Variants in FAT3 observed in about 807,000 individuals in gnomAD.
FAT3 encodes protocadherin Fat 3.
Under a neutral mutation model 310.2 loss-of-function variants are expected in FAT3, and 95 were observed. That is an observed-to-expected ratio of 0.31 (90% CI 0.26 to 0.36). The LOEUF (loss-of-function observed/expected upper bound fraction) is 0.36, where lower values mean the gene tolerates loss of function less well. Among genes scored for constraint, FAT3 ranks in the 10% least tolerant of loss-of-function variants. The probability of loss-of-function intolerance (pLI) is 1.00; values close to 1 mark genes in which losing one functional copy is unlikely to be tolerated. For synonymous variants in FAT3, 2,314 were observed against 2,192.9 expected (o/e 1.06, Z -1.54); for missense variants, 5,408 against 5,715.6 (o/e 0.95, Z 1.74).
At chr11:92,836,841 G>T in intron 16 of FAT3, 138 bp downstream of exon 16, 1 of 959,028 alleles carries the variant, frequency 1.0e-6, no homozygotes, top group East Asian at 2.7e-5. Context: ...CTAAAATGCA[G>T]CATGAAATAT....
At chr11:92,765,188 T>A in intron 6 of FAT3, 99 bp downstream of exon 6, 1 of 1,015,406 alleles carries the variant, frequency 9.8e-7, no homozygotes, top group Non-Finnish European at 1.4e-6. Flanking sequence ...AACTAACAAT[T>A]AGTGCCAAGA....
In FAT3 at chr11:92,353,927, C is replaced by G. The variant is rs369038282; in HGVS notation, c.1815C>G (p.Ile605Met). Residue 605 changes from isoleucine to methionine, a missense_variant, in exon 2 of 28, where the codon ATC becomes ATG. By Grantham distance (10) the Ile-to-Met change is conservative (BLOSUM62 1). This residue lies in a region of FAT3 where 4,588 missense variants were observed against 4,809.8 expected (regional missense o/e 0.95). Transcript: ENST00000525166. ...GHITAVSAID[I>M]DELELVKYKI... ...TCACAGCAGTCTCAGCGATCGATATCGATGAACTTGAACTTGTAAAGTACA... is the reference window on the plus strand; with the variant it reads ...TCACAGCAGTCTCAGCGATCGATATGGATGAACTTGAACTTGTAAAGTACA... 6.2e-7 allele frequency: 1 copy of G among 1,611,526 alleles called. No homozygotes were observed. Among genetic ancestry groups the G allele is most frequent in the African/African-American group, 1.3e-5 (1 of 74,878 alleles).
At chr11:92,688,501 A>C (rs938952869) in intron 3 of FAT3, among the ~76,000 whole-genome samples, 2 of 152,182 alleles carry the variant, frequency 1.3e-5, no homozygotes, top group African/African-American at 4.8e-5. Flanking sequence ...TGAACATTAG[A>C]ATCACCTAGG....
chr11:92,225,521 G>T (rs988520810), intron 1 of FAT3, among the ~76,000 whole-genome samples: 1 of 152,092 alleles, frequency 6.6e-6, no homozygotes, highest in South Asian at 2.1e-4. Flanking sequence ...GCTCCCAGCC[G>T]CCCCTGCAGG....
At chr11:92,293,231 G>A (rs1304059301) in intron 1 of FAT3, among the ~76,000 whole-genome samples, 1 of 151,540 alleles carries the variant, frequency 6.6e-6, no homozygotes, top group African/African-American at 2.4e-5. Context: ...AGAAATGAAG[G>A]GGAGGCCATG....
chr11:92,311,348 C>T (rs569740713), intron 1 of FAT3, among the ~76,000 whole-genome samples: 3 of 152,168 alleles, frequency 2.0e-5, no homozygotes, highest in African/African-American at 4.8e-5. Context: ...TTATTGGGGA[C>T]GGAGATCCCT....
chr11:92,234,898 G>A lies in FAT3; in HGVS notation c.-18+9724G>A, dbSNP rs1382624335. Among the ~76,000 whole-genome samples the A allele has an allele frequency of 8.4e-5, 10 of 119,706 alleles. No homozygotes were observed. In the South Asian group the frequency reaches 9.6e-4, roughly 11 times the overall value. The allele number at this position is 119,706 out of a possible 152,430, so 78.5% of individuals were successfully genotyped here. On this transcript the variant is annotated intron_variant, in intron 1 of 27. Coordinates refer to ENST00000525166, the MANE Select transcript of FAT3 (RefSeq NM_001367949.2). ...GCCTGGGTGACAACAGTGAGACTCCGTCTCAAAAAAAAAAAAAAAAAAATT... is the reference window on the plus strand; with the variant it reads ...GCCTGGGTGACAACAGTGAGACTCCATCTCAAAAAAAAAAAAAAAAAAATT...
At chr11:92,747,318 G>A (rs1357766962) in intron 4 of FAT3, among the ~76,000 whole-genome samples, 1 of 152,242 alleles carries the variant, frequency 6.6e-6, no homozygotes, top group Non-Finnish European at 1.5e-5. Flanking sequence ...TGCACCCTCT[G>A]AAGCAATGGC....
intron 1 of FAT3, among the ~76,000 whole-genome samples, chr11:92,267,727 A>T (rs1199008920): frequency 6.6e-6 from 1 of 152,136 alleles, no homozygotes; most frequent in African/African-American, 2.4e-5. Context: ...AGAAATCTTT[A>T]ATTCTGTTCT....
intron 2 of FAT3, among the ~76,000 whole-genome samples, chr11:92,447,552 A>G (rs1441960127): frequency 6.6e-6 from 1 of 152,126 alleles, no homozygotes; most frequent in African/African-American, 2.4e-5. Flanking sequence ...ATTTTCCCCA[A>G]ACTGAACTAC....
intron 4 of FAT3, among the ~76,000 whole-genome samples, chr11:92,757,853 G>A (rs1046781620): frequency 1.3e-5 from 2 of 152,154 alleles, no homozygotes; most frequent in Non-Finnish European, 2.9e-5. Flanking sequence ...TCAGGAGACT[G>A]GATGAATGTC....
intron 1 of FAT3, among the ~76,000 whole-genome samples, chr11:92,234,402 G>A (rs1181991855): frequency 1.3e-5 from 2 of 152,210 alleles, no homozygotes; most frequent in East Asian, 1.9e-4. Context: ...AAAGGGAGAA[G>A]ATGGAACTAG....
chr11:92,759,331 T>A (rs190681572), intron 4 of FAT3, among the ~76,000 whole-genome samples: 80 of 152,334 alleles, frequency 5.3e-4, no homozygotes, highest in African/African-American at 1.8e-3. Context: ...GCACAGTCTG[T>A]CTTTGCCCTT....
At chr11:92,360,208 C>T (rs1948844047) in intron 2 of FAT3, among the ~76,000 whole-genome samples, 1 of 152,142 alleles carries the variant, frequency 6.6e-6, no homozygotes, top group Non-Finnish European at 1.5e-5. Context: ...TCTTATACAC[C>T]AGCAACAGAC....
Position 92,892,030 on chromosome 11 carries a change from C to T in FAT3, c.*917C>T, listed in dbSNP as rs1169454624. ...AGGGGGGAAAAAAGAAAAAACGATA[C>T]CTTCAAAGTTTGCGGCCTAGATAAT... On this transcript the variant is annotated 3_prime_UTR_variant, in exon 28 of 28. Coordinates refer to ENST00000525166, the MANE Select transcript of FAT3 (RefSeq NM_001367949.2). 2 of 152,054 alleles carry T rather than the reference C, an allele frequency of 1.3e-5. No individual in the cohort carries two copies. The highest frequency in any genetic ancestry group is 6.6e-5 in the Admixed American group (1 of 15,266). 9.4% of individuals were successfully genotyped at this position (152,054 alleles called of 1,614,324 possible). A position where few individuals can be genotyped will look rare whatever the true frequency, so the allele number is the denominator to read the frequency against.
Position 92,705,216 on chromosome 11 carries a change from A to G in FAT3, c.3669+7771A>G, listed in dbSNP as rs1944233841. On this transcript the variant is annotated intron_variant, in intron 4 of 27. Transcript: ENST00000525166. ...TTTTTAAAATTCATGTCATTCTTAA[A>G]TAATCCCCCCAAAAGGTTTTAGTAG... Among the ~76,000 whole-genome samples, 3 of 152,278 alleles carry G rather than the reference A, an allele frequency of 2.0e-5. No homozygotes were observed. In the South Asian group the frequency reaches 6.2e-4, roughly 32 times the overall value.
In FAT3 at chr11:92,801,341, C is replaced by G; in HGVS notation, c.8328C>G (p.Ser2776Arg). The G allele has an allele frequency of 6.2e-7, 1 of 1,613,956 alleles. No individual in the cohort carries two copies. Among genetic ancestry groups the G allele is most frequent in the Non-Finnish European group, 8.5e-7 (1 of 1,179,874 alleles). ...ACAAACGCCTTGACCGTGAAACCAGCCCAGCTTTCCACTTTAAAGTAGCAG... is the reference window on the plus strand; with the variant it reads ...ACAAACGCCTTGACCGTGAAACCAGGCCAGCTTTCCACTTTAAAGTAGCAG... ...KLDKRLDRET[S>R]PAFHFKVAAT... The change falls in exon 10 of 28, where the codon AGC becomes AGG. Residue 2776 changes from serine (S) to arginine (R), a missense_variant. Transcript: ENST00000525166.
chr11:92,836,498 G>A (rs988952422), intron 15 of FAT3, 68 bp from the exon 16 acceptor site: 4 of 1,570,464 alleles, frequency 2.5e-6, no homozygotes, highest in Middle Eastern at 1.8e-4. Context: ...ACAGACCTGG[G>A]ACCCTAAGAA....
chr11:92,442,111 A>ATATATATATTTTTT (rs1453396603), intron 2 of FAT3, among the ~76,000 whole-genome samples: 1 of 45,222 alleles, frequency 2.2e-5, no homozygotes, highest in African/African-American at 1.8e-4. Flanking sequence ...ATATATATAT[A>ATATATATATTTTTT]TTTTTTTTTT....
Sources: gnomAD v4.1 joint callset for allele counts (sites outside exome capture counted in the v4.1 genomes callset) on GRCh38, gnomAD v4.1.1 for gene constraint, gnomAD v4.1.1 regional missense constraint, MANE v1.5 for transcripts, NCBI Gene and HGNC (gene_info 2026-07-23, HGNC 2026-07-21) for gene names.